The following MIPEP variants were observed in gnomAD, a reference collection of about 807,000 sequenced individuals.
MIPEP encodes the protein mitochondrial intermediate peptidase.
A neutral mutation model predicts 90.3 loss-of-function variants in MIPEP; 79 were observed. The ratio of observed to expected loss-of-function variants is 0.87; its 90% CI spans 0.73 to 1.05. The LOEUF is 1.05. Among genes scored for constraint, MIPEP ranks in the 50% least tolerant of loss-of-function variants. The pLI is 0.00. For synonymous variants in MIPEP, 334 were observed against 315.8 expected (o/e 1.06, Z -0.61); for missense variants, 940 against 905.6 (o/e 1.04, Z -0.49).
intron 18 of MIPEP, among the ~76,000 whole-genome samples, chr13:23,733,163 A>G (rs535080313): frequency 1.3e-5 from 2 of 152,358 alleles, no homozygotes; most frequent in East Asian, 3.9e-4. Context: ...AGTAAACTGT[A>G]GATGCTAATA....
intron 16 of MIPEP, among the ~76,000 whole-genome samples, chr13:23,780,926 C>T (rs1952775455): frequency 6.6e-6 from 1 of 152,118 alleles, no homozygotes; most frequent in African/African-American, 2.4e-5. Flanking sequence ...AAGAAATGAA[C>T]AAAGCCTCCA....
intron 10 of MIPEP, among the ~76,000 whole-genome samples, chr13:23,852,100 C>T (rs1869822987): frequency 6.6e-6 from 1 of 151,856 alleles, no homozygotes; most frequent in Non-Finnish European, 1.5e-5. Context: ...GATAATATGA[C>T]AAAAAAGAGA....
At position 23,880,216 on chromosome 13, in the gene MIPEP, A is replaced by G. The variant is rs189686998; in HGVS notation, c.453-862T>C. Reference sequence around the variant, plus strand: ...TGCTACCATTCTCATGGGCCTTCCCAAATACTAGTGAAACGTAGATAGTCA... The same window carrying G: ...TGCTACCATTCTCATGGGCCTTCCCGAATACTAGTGAAACGTAGATAGTCA... On this transcript the variant is annotated intron_variant, in intron 3 of 18. Coordinates refer to ENST00000382172, the MANE Select transcript of MIPEP (RefSeq NM_005932.4). 7.4e-4 allele frequency among the ~76,000 whole-genome samples: 112 copies of G among 152,174 alleles called. 3 individuals are homozygous for G. Among genetic ancestry groups the G allele is most frequent in the Admixed American group, 3.9e-3 (60 of 15,222 alleles).
At chr13:23,829,690 C>CCAG (rs1868642468) in intron 14 of MIPEP, among the ~76,000 whole-genome samples, 1 of 151,996 alleles carries the variant, frequency 6.6e-6, no homozygotes, top group Non-Finnish European at 1.5e-5. Context: ...GACTGTAGTC[C>CCAG]CAGCTACTTG....
chr13:23,807,732 AAAC>A (rs1953126460), intron 15 of MIPEP, among the ~76,000 whole-genome samples: 1 of 152,238 alleles, frequency 6.6e-6, no homozygotes, highest in Non-Finnish European at 1.5e-5. Context: ...TCAGGAACTG[AAAC>A]TCTTACATTC....
At chr13:23,838,981 A>G (rs1302726685) in intron 12 of MIPEP, among the ~76,000 whole-genome samples, 1 of 152,272 alleles carries the variant, frequency 6.6e-6, no homozygotes, top group African/African-American at 2.4e-5. Flanking sequence ...CTATTCAAAC[A>G]TAAGGTACAT....
At chr13:23,787,312 G>A (rs544485973) in intron 16 of MIPEP, among the ~76,000 whole-genome samples, 6 of 152,196 alleles carry the variant, frequency 3.9e-5, no homozygotes, top group South Asian at 2.1e-4. Flanking sequence ...GTCTGATGAC[G>A]GCCTGCTTCC....
intron 14 of MIPEP, among the ~76,000 whole-genome samples, chr13:23,828,360 C>A (rs751213926): frequency 6.6e-6 from 1 of 151,978 alleles, no homozygotes; most frequent in Non-Finnish European, 1.5e-5. Flanking sequence ...AGAAAAGATA[C>A]GTGGTTGGAA....
At chr13:23,882,341 A>T (rs1871305071) in intron 2 of MIPEP, among the ~76,000 whole-genome samples, 1 of 151,690 alleles carries the variant, frequency 6.6e-6, no homozygotes, top group Non-Finnish European at 1.5e-5. Flanking sequence ...CCAGAAAACA[A>T]CTCTTAAAGG....
intron 6 of MIPEP, among the ~76,000 whole-genome samples, chr13:23,869,792 A>G (rs1870703776): frequency 6.6e-6 from 1 of 152,244 alleles, no homozygotes; most frequent in Non-Finnish European, 1.5e-5. Context: ...GTTATTAATC[A>G]TACTTTAAAA....
chr13:23,741,552 A>G (rs1952328884), intron 18 of MIPEP, among the ~76,000 whole-genome samples: 1 of 152,214 alleles, frequency 6.6e-6, no homozygotes, highest in Non-Finnish European at 1.5e-5. Context: ...CATTATCCTT[A>G]GCAAACTAAC....
At chr13:23,887,691 GCTTTGTTAATTCA>G (rs1328881320) in intron 1 of MIPEP, among the ~76,000 whole-genome samples, 2 of 152,192 alleles carry the variant, frequency 1.3e-5, no homozygotes, top group Non-Finnish European at 2.9e-5. Flanking sequence ...CAGATGCTAG[GCTTTGTTAATTCA>G]CTTTGTAGGT....
At chr13:23,835,749 T>G (rs1195657035) in intron 14 of MIPEP, among the ~76,000 whole-genome samples, 1 of 152,228 alleles carries the variant, frequency 6.6e-6, no homozygotes, top group East Asian at 1.9e-4. Flanking sequence ...TCATTGAAAT[T>G]TAAGCCTTAA....
At chr13:23,768,784 T>C (rs1952618827) in intron 16 of MIPEP, among the ~76,000 whole-genome samples, 1 of 152,058 alleles carries the variant, frequency 6.6e-6, no homozygotes, top group African/African-American at 2.4e-5. Context: ...GCAGATGTAA[T>C]GTTAAGGACA....
intron 18 of MIPEP, among the ~76,000 whole-genome samples, chr13:23,747,097 A>C (rs1456726597): frequency 6.6e-6 from 1 of 151,970 alleles, no homozygotes; most frequent in Non-Finnish European, 1.5e-5. Flanking sequence ...AGTGTGACCG[A>C]CTCCTGACTA....
At chr13:23,841,778 A>G (rs1869309872) in intron 10 of MIPEP, among the ~76,000 whole-genome samples, 1 of 152,176 alleles carries the variant, frequency 6.6e-6, no homozygotes, top group Non-Finnish European at 1.5e-5. Flanking sequence ...AGCAGTCTCA[A>G]CTGCTCACTG....
At chr13:23,800,107 A>G (rs1377093977) in intron 16 of MIPEP, among the ~76,000 whole-genome samples, 2 of 152,198 alleles carry the variant, frequency 1.3e-5, no homozygotes, top group Non-Finnish European at 2.9e-5. Context: ...AGCCTACCAA[A>G]TTAGGTCAAA....
intron 9 of MIPEP, 123 bp from the exon 10 acceptor site, chr13:23,859,035 G>C (rs1870171062): frequency 1.3e-6 from 1 of 776,948 alleles, no homozygotes; most frequent in East Asian, 2.7e-5. Context: ...CAATTTTATA[G>C]AATCCCTTAA....
chr13:23,796,341 G>C (rs866386159), intron 16 of MIPEP, among the ~76,000 whole-genome samples: 2 of 151,976 alleles, frequency 1.3e-5, no homozygotes, highest in African/African-American at 4.8e-5. Context: ...TGCTTGAACC[G>C]GGGAGGCAGA....
Sources: gnomAD v4.1 joint callset for allele counts (sites outside exome capture counted in the v4.1 genomes callset) on GRCh38, gnomAD v4.1.1 for gene constraint, MANE v1.5 for transcripts, NCBI Gene and HGNC (gene_info 2026-07-23, HGNC 2026-07-21) for gene names.